The following COL14A1 variants were observed in gnomAD, a reference collection of about 807,000 sequenced individuals.
COL14A1 encodes the protein collagen type XIV alpha 1 chain.
In COL14A1, 136 loss-of-function variants were observed where a neutral mutation model predicts 230.3. The ratio of observed to expected loss-of-function variants is 0.59; its 90% confidence interval spans 0.51 to 0.68. The LOEUF (loss-of-function observed/expected upper bound fraction) is 0.68. Ranked by LOEUF, COL14A1 falls within the 30% of genes least tolerant of loss-of-function variation. The pLI, the probability that COL14A1 is intolerant of heterozygous loss-of-function variation, is 0.00. For missense variants in COL14A1, 1,976 were observed against 2,215.8 expected, an observed-to-expected ratio of 0.89 and a Z score of 2.17; for synonymous variants, 792 against 784.1, an observed-to-expected ratio of 1.01 and a Z score of -0.17.
At chr8:120,291,559 C>CAAAAAAAAAAA (rs375963111) in intron 34 of COL14A1, among the ~76,000 whole-genome samples, 2 of 41,604 alleles carry the variant, frequency 4.8e-5, no homozygotes, top group African/African-American at 8.5e-5. Context: ...GACTCCATCT[C>CAAAAAAAAAAA]AAAAAAAAAA....
At chr8:120,235,537 A>T (rs1818414948) in intron 19 of COL14A1, among the ~76,000 whole-genome samples, 1 of 151,820 alleles carries the variant, frequency 6.6e-6, no homozygotes, top group Non-Finnish European at 1.5e-5. Context: ...CTAGTGGTCT[A>T]TTTATTTTTT....
intron 44 of COL14A1, among the ~76,000 whole-genome samples, 190 bp from the exon 45 acceptor site, chr8:120,345,184 GC>G (rs1194361681): frequency 1.3e-5 from 2 of 152,118 alleles, no homozygotes; most frequent in Non-Finnish European, 2.9e-5. Flanking sequence ...CAACAGTCCA[GC>G]CCTTAATATC....
At chr8:120,178,510 T>C (rs1480549099) in intron 5 of COL14A1, among the ~76,000 whole-genome samples, 1 of 152,234 alleles carries the variant, frequency 6.6e-6, no homozygotes, top group East Asian at 1.9e-4. Context: ...AAGTCTTTGC[T>C]ATTGTGAACA....
intron 26 of COL14A1, among the ~76,000 whole-genome samples, chr8:120,271,028 G>A (rs1415007441): frequency 6.6e-6 from 1 of 151,724 alleles, no homozygotes; most frequent in Non-Finnish European, 1.5e-5. Context: ...ATACATCATG[G>A]AATATTATGC....
chr8:120,255,255 C>G lies in COL14A1; in HGVS notation c.2768C>G (p.Thr923Ser). 1 of 1,613,900 alleles carries G rather than the reference C, an allele frequency of 6.2e-7. No individual in the cohort carries two copies. Residue 923 changes from threonine (T) to serine (S), a missense_variant, in exon 23 of 48, where the codon ACC becomes AGC. Around this residue, in one of 3 missense-constraint regions of COL14A1, gnomAD observed 1,791 missense variants for 2,019.5 expected, o/e 0.89. Transcript: ENST00000297848. Reference protein sequence around the residue: ...GMVKTLFLGVTNLQAKHVEMT... With the variant: ...GMVKTLFLGVSNLQAKHVEMT... ...TTCATTCCAGTGTTCTTGGGTGTTA[C>G]CAATCTCCAAGCCAAACATGTTGAA... is the stretch of plus-strand genomic sequence containing the variant.
At chr8:120,341,767 T>C (rs139916803) in intron 43 of COL14A1, among the ~76,000 whole-genome samples, 31 of 152,174 alleles carry the variant, frequency 2.0e-4, no homozygotes, top group Non-Finnish European at 3.7e-4. Flanking sequence ...TTTTTGATGC[T>C]CCCAGGTTCA....
chr8:120,196,534 C>A (rs1314444105), intron 5 of COL14A1, among the ~76,000 whole-genome samples: 1 of 152,204 alleles, frequency 6.6e-6, no homozygotes, highest in African/African-American at 2.4e-5. Context: ...CTAAAATACA[C>A]AGAAGGCTGA....
At chr8:120,345,631 G>T in intron 45 of COL14A1, 68 bp downstream of exon 45, 1 of 1,273,144 alleles carries the variant, frequency 7.9e-7, no homozygotes, top group South Asian at 2.0e-5. Flanking sequence ...ACATTATAGT[G>T]GTTCTTATAC....
At chr8:120,302,314 G>A (rs149992280) in intron 36 of COL14A1, among the ~76,000 whole-genome samples, 71 of 109,466 alleles carry the variant, frequency 6.5e-4, no homozygotes, top group African/African-American at 3.6e-3. Context: ...ATCTTTGCTC[G>A]TGCCTATGTC....
intron 15 of COL14A1, among the ~76,000 whole-genome samples, chr8:120,226,040 T>C (rs1818083971): frequency 5.3e-5 from 8 of 151,960 alleles, no homozygotes; most frequent in Admixed American, 5.3e-4. Flanking sequence ...TAAAAATCAA[T>C]TCTTTGATAA....
intron 5 of COL14A1, among the ~76,000 whole-genome samples, chr8:120,179,939 A>G (rs1280514945): frequency 6.6e-6 from 1 of 152,204 alleles, no homozygotes. Context: ...GACAAAAACA[A>G]GCAATGGGGA....
At chr8:120,288,808 T>C (rs1369855843) in intron 33 of COL14A1, among the ~76,000 whole-genome samples, 1 of 152,166 alleles carries the variant, frequency 6.6e-6, no homozygotes, top group Admixed American at 6.5e-5. Flanking sequence ...TTGACTCTTT[T>C]AGCTCATCAG....
chr8:120,148,330 A>C (rs1815166377), intron 2 of COL14A1, among the ~76,000 whole-genome samples: 1 of 151,954 alleles, frequency 6.6e-6, no homozygotes, highest in African/African-American at 2.4e-5. Context: ...ACAGGGTTTC[A>C]CCATATTGGC....
chr8:120,320,334 GC>G (rs1163258296), intron 40 of COL14A1, among the ~76,000 whole-genome samples: 1 of 152,146 alleles, frequency 6.6e-6, no homozygotes, highest in East Asian at 1.9e-4. Flanking sequence ...ACGTCGAGAT[GC>G]CTTAGAAGAC....
chr8:120,190,810 A>G lies in COL14A1; in HGVS notation c.437-5981A>G, dbSNP rs186474578. Among the ~76,000 whole-genome samples, 1,252 of 152,282 alleles carry G rather than the reference A, an allele frequency of 8.2e-3. 22 individuals are homozygous for G. The highest frequency in any genetic ancestry group is 0.029 in the African/African-American group (1,213 of 41,550). ...GTCAAGGAATTTATCCATTTCTTCT[A>G]GATTTTCTAGTTTATTTGCATAGAG... On this transcript the variant is annotated intron_variant, in intron 5 of 47. Transcript: ENST00000297848.
intron 22 of COL14A1, among the ~76,000 whole-genome samples, chr8:120,254,118 G>C (rs1819062293): frequency 6.6e-6 from 1 of 152,050 alleles, no homozygotes; most frequent in South Asian, 2.1e-4. Context: ...TAATTCCGAG[G>C]TATTTTTATT....
chr8:120,150,291 AT>A (rs1815239455), intron 2 of COL14A1, among the ~76,000 whole-genome samples: 1 of 152,170 alleles, frequency 6.6e-6, no homozygotes, highest in Non-Finnish European at 1.5e-5. Context: ...TTTGCAACTC[AT>A]GGGGGTTTGA....
intron 35 of COL14A1, among the ~76,000 whole-genome samples, chr8:120,299,714 G>T (rs1820653699): frequency 6.6e-6 from 1 of 152,026 alleles, no homozygotes; most frequent in Non-Finnish European, 1.5e-5. Context: ...TTTATAGGGG[G>T]TTTGAACTGA....
chr8:120,322,473 A>G (rs1821485721), intron 40 of COL14A1, among the ~76,000 whole-genome samples: 1 of 152,188 alleles, frequency 6.6e-6, no homozygotes, highest in Admixed American at 6.5e-5. Flanking sequence ...TGTACAGATT[A>G]TTTCATCACC....
Sources: gnomAD v4.1 joint callset for allele counts (sites outside exome capture counted in the v4.1 genomes callset) on GRCh38, gnomAD v4.1.1 for gene constraint, gnomAD v4.1.1 regional missense constraint, MANE v1.5 for transcripts, NCBI Gene and HGNC (gene_info 2026-07-23, HGNC 2026-07-21) for gene names.